The following LRCH1 variants were observed in gnomAD, a reference collection of about 807,000 sequenced individuals.
LRCH1 encodes the protein leucine rich repeats and calponin homology domain containing 1.
In LRCH1, 23 loss-of-function variants were observed where a neutral mutation model predicts 94.9. That is an observed-to-expected ratio of 0.24 (90% confidence interval 0.17 to 0.34). LRCH1 has a LOEUF of 0.34. Ranked by LOEUF, LRCH1 falls within the 10% of genes least tolerant of loss-of-function variation. The pLI, the probability that LRCH1 is intolerant of heterozygous loss-of-function variation, is 1.00. For missense variants in LRCH1, 790 were observed against 945.9 expected, an observed-to-expected ratio of 0.84 and a Z score of 2.16; for synonymous variants, 364 against 354.9, an observed-to-expected ratio of 1.03 and a Z score of -0.29.
chr13:46,599,890 G>C (rs2137979673), intron 1 of LRCH1, among the ~76,000 whole-genome samples: 1 of 152,262 alleles, frequency 6.6e-6, no homozygotes, highest in East Asian at 1.9e-4. Flanking sequence ...AAACATGTAG[G>C]GTAAATGTAT....
At chr13:46,729,712 T>G (rs1873007192) in intron 18 of LRCH1, among the ~76,000 whole-genome samples, 1 of 152,210 alleles carries the variant, frequency 6.6e-6, no homozygotes, top group South Asian at 2.1e-4. Context: ...GTAACTTCCC[T>G]TCTAAATTGA....
chr13:46,696,711 A>G (rs1196151837), intron 9 of LRCH1, among the ~76,000 whole-genome samples: 1 of 152,208 alleles, frequency 6.6e-6, no homozygotes, highest in East Asian at 1.9e-4. Context: ...ACAACAAGTT[A>G]AGGAAAAATT....
At chr13:46,684,206 C>T in intron 4 of LRCH1, among the ~76,000 whole-genome samples, 1 of 151,062 alleles carries the variant, frequency 6.6e-6, no homozygotes, top group Non-Finnish European at 1.5e-5. Context: ...GGGATTTGTT[C>T]TTCTGCTTCT....
chr13:46,657,517 T>C (rs1431106652), intron 2 of LRCH1, among the ~76,000 whole-genome samples: 6 of 54,344 alleles, frequency 1.1e-4, no homozygotes, highest in Admixed American at 1.9e-4. Context: ...TTTTTTTTTT[T>C]TTTTTTTTTT....
intron 16 of LRCH1, among the ~76,000 whole-genome samples, chr13:46,716,388 A>T (rs1566245815): frequency 6.6e-6 from 1 of 152,222 alleles, no homozygotes; most frequent in Non-Finnish European, 1.5e-5. Flanking sequence ...CACCACCTAT[A>T]TCGTAATCTC....
chr13:46,610,754 G>A (rs1220228077), intron 1 of LRCH1, among the ~76,000 whole-genome samples: 1 of 152,058 alleles, frequency 6.6e-6, no homozygotes, highest in Non-Finnish European at 1.5e-5. Context: ...ATTTGTGCTG[G>A]TTCCATATTT....
At chr13:46,554,982 C>T (rs1274911514) in intron 1 of LRCH1, among the ~76,000 whole-genome samples, 1 of 152,194 alleles carries the variant, frequency 6.6e-6, no homozygotes, top group East Asian at 1.9e-4. Context: ...TTTCCAGTGT[C>T]TTTTCCCCCT....
At chr13:46,628,511 G>A (rs934219212) in intron 1 of LRCH1, among the ~76,000 whole-genome samples, 1 of 152,028 alleles carries the variant, frequency 6.6e-6, no homozygotes, top group African/African-American at 2.4e-5. Context: ...CAAAAAATTA[G>A]CTGGGCGTGG....
chr13:46,573,723 T>C (rs1490341056), intron 1 of LRCH1, among the ~76,000 whole-genome samples: 3 of 150,784 alleles, frequency 2.0e-5, no homozygotes, highest in African/African-American at 4.9e-5. Flanking sequence ...AGAATGATGG[T>C]TACCAGAGGA....
intron 15 of LRCH1, among the ~76,000 whole-genome samples, chr13:46,712,816 C>T (rs951958109): frequency 1.3e-5 from 2 of 151,988 alleles, no homozygotes; most frequent in East Asian, 1.9e-4. Context: ...CGTTTGAATC[C>T]GAGCAAAGAA....
At position 46,553,522 on chromosome 13, in the gene LRCH1, C is replaced by G. The variant is rs1456401009; in HGVS notation, c.126C>G (p.Pro42=). 6.5e-7 allele frequency: 1 copy of G among 1,546,496 alleles called. No individual in the cohort carries two copies. The highest frequency in any genetic ancestry group is 8.7e-7 in the Non-Finnish European group (1 of 1,144,764). ...AGCACCACGGAGGAACCGGCGCCCC[C>G]GGCGGGGCGGGTGGTGGCGGCGGTG... ...HHQHHGGTGA[P]GGAGGGGGGS... Residue 42 remains proline, a synonymous_variant, in exon 1 of 20, where the codon CCC becomes CCG. Transcript: ENST00000389797.
intron 2 of LRCH1, among the ~76,000 whole-genome samples, chr13:46,659,594 A>G (rs1250229718): frequency 2.0e-5 from 3 of 152,198 alleles, no homozygotes; most frequent in South Asian, 4.1e-4. Flanking sequence ...AACGAAAAGA[A>G]TATCAGCAGT....
intron 1 of LRCH1, among the ~76,000 whole-genome samples, chr13:46,565,397 T>C (rs1182595557): frequency 6.6e-6 from 1 of 152,184 alleles, no homozygotes; most frequent in Non-Finnish European, 1.5e-5. Context: ...GGAAACAGGC[T>C]GGATGGTGAA....
chr13:46,578,551 C>T (rs2050328962), intron 1 of LRCH1, among the ~76,000 whole-genome samples: 1 of 152,168 alleles, frequency 6.6e-6, no homozygotes, highest in Admixed American at 6.5e-5. Context: ...TGGTAAGAAC[C>T]AGCATTTCAG....
chr13:46,703,743 TTAA>T (rs1172579086), intron 11 of LRCH1, among the ~76,000 whole-genome samples: 3 of 152,140 alleles, frequency 2.0e-5, no homozygotes, highest in African/African-American at 7.2e-5. Context: ...TTTTATACTT[TTAA>T]AAAAGTATAT....
intron 1 of LRCH1, among the ~76,000 whole-genome samples, chr13:46,618,186 G>A (rs768838782): frequency 6.6e-6 from 1 of 152,094 alleles, no homozygotes; most frequent in Admixed American, 6.5e-5. Context: ...CTACAAACCC[G>A]CATGGCATGT....
At chr13:46,696,195 TACACACACACACACACACACACACACAC>T (rs10553999) in intron 9 of LRCH1, among the ~76,000 whole-genome samples, 1 of 147,094 alleles carries the variant, frequency 6.8e-6, no homozygotes, top group Non-Finnish European at 1.5e-5. Context: ...TGCATGTGTG[TACACACACACACACACACACACACACAC>T]ACACACACAC....
chr13:46,586,782 G>T (rs367785432), intron 1 of LRCH1, among the ~76,000 whole-genome samples: 4 of 152,216 alleles, frequency 2.6e-5, no homozygotes, highest in African/African-American at 7.2e-5. Flanking sequence ...TTAACAGTGA[G>T]GGGTAGGCGC....
chr13:46,745,224 G>A (rs1337961569), downstream of LRCH1, among the ~76,000 whole-genome samples: 4 of 151,986 alleles, frequency 2.6e-5, no homozygotes, highest in African/African-American at 9.7e-5. Flanking sequence ...TCAAACATAG[G>A]TGTGGCTGTG....
Sources: allele counts gnomAD v4.1 joint callset (sites outside exome capture counted in the v4.1 genomes callset), GRCh38; gene constraint gnomAD v4.1.1; transcripts MANE v1.5; gene names NCBI Gene and HGNC (gene_info 2026-07-23, HGNC 2026-07-21).